Variants in EBF4 observed in about 807,000 individuals in gnomAD.
The protein encoded by EBF4 is EBF transcription factor 4, also known as transcription factor COE4.
EBF4 carries 34 observed loss-of-function variants against 67.1 expected under a neutral mutation model. The observed-to-expected ratio is 0.51, with a 90% CI of 0.39 to 0.67. EBF4 has a LOEUF of 0.67. Ranked by LOEUF, EBF4 falls within the 30% of genes least tolerant of loss-of-function variation. The probability of loss-of-function intolerance (pLI) is 0.00; values close to 1 mark genes in which losing one functional copy is unlikely to be tolerated. For synonymous variants in EBF4, 387 were observed against 377.7 expected (o/e 1.02, Z -0.29); for missense variants, 837 against 873.3 (o/e 0.96, Z 0.52).
intron 6 of EBF4, among the ~76,000 whole-genome samples, chr20:2,724,973 G>A (rs116087963): frequency 0.023 from 3,572 of 152,284 alleles, 142 homozygotes; most frequent in African/African-American, 0.08. Context: ...CTCTCTGGCA[G>A]TATATGAGAG....
intron 1 of EBF4, among the ~76,000 whole-genome samples, chr20:2,698,947 T>C (rs1322674746): frequency 6.6e-6 from 1 of 152,146 alleles, no homozygotes; most frequent in Non-Finnish European, 1.5e-5. Flanking sequence ...CTGTGGGATT[T>C]GAGCTGGCTG....
intron 1 of EBF4, among the ~76,000 whole-genome samples, chr20:2,703,137 G>T (rs1444986295): frequency 6.6e-6 from 1 of 151,724 alleles, no homozygotes; most frequent in Non-Finnish European, 1.5e-5. Context: ...CATGCCTGTA[G>T]TCCCAGCTAG....
intron 5 of EBF4, 109 bp from the exon 6 acceptor site, chr20:2,709,465 G>A (rs1358355772): frequency 8.6e-6 from 9 of 1,041,834 alleles, no homozygotes; most frequent in Non-Finnish European, 1.2e-5. Context: ...CACACCCAGA[G>A]ACAGGACATC....
chr20:2,736,493 T>G (rs905415140), intron 6 of EBF4, among the ~76,000 whole-genome samples: 3 of 152,192 alleles, frequency 2.0e-5, no homozygotes, highest in Non-Finnish European at 2.9e-5. Context: ...CCTGTTTTCC[T>G]CTACAGCCAC....
At chr20:2,704,029 T>A (rs1205066929) in intron 1 of EBF4, among the ~76,000 whole-genome samples, 2 of 152,194 alleles carry the variant, frequency 1.3e-5, no homozygotes, top group Non-Finnish European at 2.9e-5. Flanking sequence ...GGCAGCTGGC[T>A]TCCCCCTGAA....
intron 6 of EBF4, among the ~76,000 whole-genome samples, chr20:2,721,080 G>T (rs867110293): frequency 1.3e-5 from 2 of 151,836 alleles, no homozygotes; most frequent in South Asian, 2.1e-4. Context: ...TTGTGCTTAG[G>T]GTACATTGAT....
chr20:2,758,937 T>C (rs2073125), exon 16 of EBF4: 484,805 of 1,551,194 alleles, frequency 0.31, 77,912 homozygotes, highest in South Asian at 0.44. Context: ...CTGACAAGTT[T>C]CACTCTCCAG....
At chr20:2,717,373 T>C (rs900385294) in intron 6 of EBF4, among the ~76,000 whole-genome samples, 1 of 152,044 alleles carries the variant, frequency 6.6e-6, no homozygotes, top group African/African-American at 2.4e-5. Context: ...CTTTAGAAGG[T>C]AATAAATGAA....
intron 15 of EBF4, 89 bp from the exon 16 acceptor site, chr20:2,758,820 T>C (rs1410330873): frequency 1.3e-5 from 15 of 1,187,954 alleles, no homozygotes; most frequent in African/African-American, 7.6e-5. Context: ...CTATATCCCC[T>C]GCCTGCTGTC....
At chr20:2,737,067 G>A (rs922785663) in intron 6 of EBF4, among the ~76,000 whole-genome samples, 2 of 151,906 alleles carry the variant, frequency 1.3e-5, no homozygotes, top group African/African-American at 4.8e-5. Flanking sequence ...GGCTAACACG[G>A]TGAAACCCCG....
At chr20:2,748,836 C>T (rs2088093815) in intron 7 of EBF4, among the ~76,000 whole-genome samples, 1 of 152,214 alleles carries the variant, frequency 6.6e-6, no homozygotes, top group African/African-American at 2.4e-5. Flanking sequence ...CCAAGGGAGG[C>T]TTCATTAGAG....
intron 1 of EBF4, among the ~76,000 whole-genome samples, chr20:2,700,323 C>T (rs949634266): frequency 2.6e-5 from 4 of 152,124 alleles, no homozygotes; most frequent in East Asian, 1.9e-4. Context: ...GTCTGCTTCT[C>T]GGGGAACCCA....
rs1267762880 is a variant in EBF4 at position 2,745,681 on chromosome 20, G to T, written c.558-2868G>T. 1.3e-5 allele frequency among the ~76,000 whole-genome samples: 2 copies of T among 152,236 alleles called. No homozygotes were observed. The highest frequency in any genetic ancestry group is 2.9e-5 in the Non-Finnish European group (2 of 68,038). Reference sequence around the variant, plus strand: ...AGGGAGCAGGAAACCACAGCCTTGGGGAGGGCAGAAGTAAAGGATGTCCCA... The same window carrying T: ...AGGGAGCAGGAAACCACAGCCTTGGTGAGGGCAGAAGTAAAGGATGTCCCA... On this transcript the variant is annotated intron_variant, in intron 6 of 16. Coordinates refer to ENST00000609451, the Ensembl canonical transcript of EBF4. The surrounding 1 kb of genome is among the most constrained non-coding windows in gnomAD (Gnocchi z 5.2).
chr20:2,752,985 C>T (rs1222309555), intron 14 of EBF4, among the ~76,000 whole-genome samples: 1 of 152,006 alleles, frequency 6.6e-6, no homozygotes, highest in Non-Finnish European at 1.5e-5. Flanking sequence ...CTTCCAGCCG[C>T]CCCCCAGCTC....
At chr20:2,738,832 CA>C (rs2087926110) in intron 6 of EBF4, among the ~76,000 whole-genome samples, 3 of 152,226 alleles carry the variant, frequency 2.0e-5, no homozygotes, top group Admixed American at 2.0e-4. Flanking sequence ...ATTGTGCATG[CA>C]AATGCATGCA....
intron 1 of EBF4, among the ~76,000 whole-genome samples, chr20:2,703,743 C>T (rs1280531145): frequency 6.6e-6 from 1 of 151,462 alleles, no homozygotes; most frequent in African/African-American, 2.4e-5. Context: ...GACTCCAAAA[C>T]TTAGCAACTT....
intron 6 of EBF4, among the ~76,000 whole-genome samples, chr20:2,737,218 C>T (rs5026120): frequency 2.7e-5 from 4 of 146,998 alleles, no homozygotes; most frequent in Non-Finnish European, 4.5e-5. Flanking sequence ...CCACTGCACT[C>T]CAGCTTGGGT....
chr20:2,737,408 G>A (rs972865719), intron 6 of EBF4, among the ~76,000 whole-genome samples: 3 of 152,112 alleles, frequency 2.0e-5, no homozygotes, highest in Non-Finnish European at 4.4e-5. Context: ...GAGAGTTATT[G>A]AGGGCTGGGG....
At chr20:2,748,920 G>A (rs2088094799) in intron 7 of EBF4, among the ~76,000 whole-genome samples, 2 of 152,202 alleles carry the variant, frequency 1.3e-5, no homozygotes, top group South Asian at 4.1e-4. Context: ...AGCGTGAAGC[G>A]GAGAGCAGCT....
Sources: allele counts gnomAD v4.1 joint callset (sites outside exome capture counted in the v4.1 genomes callset), GRCh38; gene constraint gnomAD v4.1.1; non-coding constraint Gnocchi (gnomAD v3.1); transcripts MANE v1.5; gene names NCBI Gene and HGNC (gene_info 2026-07-23, HGNC 2026-07-21).